The following HK1 variants were observed in gnomAD, a reference collection of about 807,000 sequenced individuals.
The protein encoded by HK1 is hexokinase 1, also known as hexokinase-1.
HK1 carries 28 observed loss-of-function variants against 91.6 expected under a neutral mutation model. The observed-to-expected ratio is 0.31, with a 90% CI of 0.23 to 0.42. The LOEUF (loss-of-function observed/expected upper bound fraction) is 0.42, where lower values mean the gene tolerates loss of function less well. Among genes scored for constraint, HK1 ranks in the 10% least tolerant of loss-of-function variants. The pLI is 1.00. For missense variants in HK1, 770 were observed against 1,219.8 expected (o/e 0.63, Z 5.49); for synonymous variants, 430 against 468.1 (o/e 0.92, Z 1.05).
At chr10:69,303,289 G>A (rs561794647) in intron 5 of HK1, among the ~76,000 whole-genome samples, 4 of 152,006 alleles carry the variant, frequency 2.6e-5, no homozygotes, top group South Asian at 4.1e-4. Flanking sequence ...ATCATTCCCA[G>A]AGTTATCTCT....
chr10:69,294,624 G>A (rs900132076), intron 3 of HK1, among the ~76,000 whole-genome samples: 2 of 152,250 alleles, frequency 1.3e-5, no homozygotes, highest in Non-Finnish European at 1.5e-5. Context: ...GGGAAGCTGA[G>A]GCAGGCAGAT....
At chr10:69,376,135 C>T (rs960635558) in intron 7 of HK1, among the ~76,000 whole-genome samples, 17 of 152,284 alleles carry the variant, frequency 1.1e-4, no homozygotes, top group Middle Eastern at 3.4e-3. Flanking sequence ...CTGCCTTTCC[C>T]TCGGAGAAGC....
At chr10:69,324,416 C>A (rs1041920418) in intron 1 of HK1, among the ~76,000 whole-genome samples, 4 of 151,852 alleles carry the variant, frequency 2.6e-5, no homozygotes, top group African/African-American at 7.3e-5. Context: ...CATGGTGAAA[C>A]CCCGTCTCTA....
At chr10:69,352,328 AC>A (rs1848919725) in intron 2 of HK1, among the ~76,000 whole-genome samples, 1 of 152,136 alleles carries the variant, frequency 6.6e-6, no homozygotes, top group South Asian at 2.1e-4. Flanking sequence ...GGTGTAAAGT[AC>A]TGTTGGAGTT....
intron 3 of HK1, among the ~76,000 whole-genome samples, chr10:69,363,139 A>G (rs1273378382): frequency 6.6e-6 from 1 of 152,188 alleles, no homozygotes; most frequent in African/African-American, 2.4e-5. Context: ...GGCTCTCCTA[A>G]GACAGCCTTC....
At chr10:69,316,208 T>C (rs925182659), upstream of HK1, among the ~76,000 whole-genome samples, 1 of 151,240 alleles carries the variant, frequency 6.6e-6, no homozygotes, top group Non-Finnish European at 1.5e-5. Flanking sequence ...AAGAGATAAG[T>C]GGGAAAGAGT....
At chr10:69,384,768 A>G in intron 11 of HK1, 28 bp from the exon 12 acceptor site, 1 of 1,614,114 alleles carries the variant, frequency 6.2e-7, no homozygotes, top group Non-Finnish European at 8.5e-7. Context: ...CACAGAGAGC[A>G]CGGGCGATCC....
chr10:69,289,075 GTTTC>G (rs2132455128), intron 3 of HK1, among the ~76,000 whole-genome samples: 1 of 152,212 alleles, frequency 6.6e-6, no homozygotes, highest in Non-Finnish European at 1.5e-5. Flanking sequence ...CCGCTCTGGT[GTTTC>G]TTTAGCTTCT....
intron 1 of HK1, among the ~76,000 whole-genome samples, chr10:69,322,440 G>T (rs1466792872): frequency 6.6e-6 from 1 of 152,208 alleles, no homozygotes; most frequent in Non-Finnish European, 1.5e-5. Context: ...GGGTGCTGTT[G>T]AAGAGAGTGT....
chr10:69,327,403 CTG>C (rs1245278648), intron 1 of HK1, among the ~76,000 whole-genome samples: 3 of 152,232 alleles, frequency 2.0e-5, no homozygotes, highest in East Asian at 3.8e-4. Flanking sequence ...ATCTACGTAA[CTG>C]TTTCATTAAA....
intron 7 of HK1, among the ~76,000 whole-genome samples, chr10:69,372,027 A>G (rs975516388): frequency 1.3e-5 from 2 of 152,268 alleles, no homozygotes; most frequent in Non-Finnish European, 2.9e-5. Context: ...TTACAGTTCC[A>G]TGTAGCTGGG....
intron 10 of HK1, among the ~76,000 whole-genome samples, 163 bp from the exon 11 acceptor site, chr10:69,384,170 A>G (rs980190754): frequency 1.3e-5 from 2 of 151,748 alleles, no homozygotes; most frequent in African/African-American, 4.8e-5. Context: ...TGTGGTGCCC[A>G]CTCTTCCTCT....
rs187140824 is a variant in HK1 at position 69,379,028 on chromosome 10, C to T, written c.1032-834C>T. 2.1e-3 allele frequency among the ~76,000 whole-genome samples: 314 copies of T among 152,196 alleles called. 1 individual carries two copies. The highest frequency in any genetic ancestry group is 2.6e-3 in the African/African-American group (106 of 41,526). ...TATATTGTTTGTTTGAGGTTCGTGC[C>T]GCAGTAACAGACACAGTATTTGATT... On this transcript the variant is annotated intron_variant, in intron 8 of 17. Transcript: ENST00000359426.
intron 1 of HK1, among the ~76,000 whole-genome samples, chr10:69,338,957 G>C (rs1009074775): frequency 2.0e-5 from 3 of 152,134 alleles, no homozygotes; most frequent in African/African-American, 7.2e-5. Context: ...GAGCAACTGG[G>C]CAGGAGAGAT....
At chr10:69,350,379 C>T (rs1848783141) in intron 2 of HK1, among the ~76,000 whole-genome samples, 1 of 152,186 alleles carries the variant, frequency 6.6e-6, no homozygotes, top group South Asian at 2.1e-4. Flanking sequence ...AGACATCATT[C>T]CTCAGTGTCT....
intron 8 of HK1, 148 bp downstream of exon 8, chr10:69,377,237 C>T: frequency 1.1e-6 from 1 of 925,302 alleles, no homozygotes; most frequent in South Asian, 1.6e-5. Context: ...TCTTAGTTGA[C>T]CCATTCTGGG....
Position 69,382,636 on chromosome 10 carries a change from A to T in HK1, c.1415A>T (p.Glu472Val). ...RLAEQHRQIE[E>V]TLAHFHLTKD... ...GCCGAGCAGCACCGGCAGATAGAGG[A>T]GACCCTGGCTCATTTCCACCTCACC... Residue 472 changes from glutamate to valine, a missense_variant, in exon 10 of 18, where the codon GAG becomes GTG. By Grantham distance (121) the Glu-to-Val change is moderately radical. Transcript: ENST00000359426. 6.2e-7 allele frequency: 1 copy of T among 1,614,212 alleles called. No individual in the cohort carries two copies. Among genetic ancestry groups the T allele is most frequent in the Non-Finnish European group, 8.5e-7 (1 of 1,180,032 alleles).
chr10:69,346,757 A>G (rs1848583232), intron 2 of HK1, among the ~76,000 whole-genome samples: 1 of 152,070 alleles, frequency 6.6e-6, no homozygotes, highest in Non-Finnish European at 1.5e-5. Context: ...GCTGCTGCAT[A>G]TCATTTTTGA....
chr10:69,368,282 C>T (rs1388377928), intron 4 of HK1, among the ~76,000 whole-genome samples: 2 of 152,264 alleles, frequency 1.3e-5, no homozygotes, highest in African/African-American at 4.8e-5. Flanking sequence ...CATCCACTTG[C>T]TTTCTTCTGG....
Sources: allele counts gnomAD v4.1 joint callset (sites outside exome capture counted in the v4.1 genomes callset), GRCh38; gene constraint gnomAD v4.1.1; transcripts MANE v1.5; gene names NCBI Gene and HGNC (gene_info 2026-07-23, HGNC 2026-07-21).